Variants in DENND2C observed in about 807,000 individuals in gnomAD.
The protein encoded by DENND2C is DENN domain-containing protein 2C.
Under a neutral mutation model 112.4 loss-of-function variants are expected in DENND2C, and 72 were observed. That is an observed-to-expected ratio of 0.64 (90% CI 0.53 to 0.78). The LOEUF (loss-of-function observed/expected upper bound fraction) is 0.78, where lower values mean the gene tolerates loss of function less well. Among genes scored for constraint, DENND2C ranks in the 30% least tolerant of loss-of-function variants. The probability of loss-of-function intolerance (pLI) is 0.00; values close to 1 mark genes in which losing one functional copy is unlikely to be tolerated. For synonymous variants in DENND2C, 329 were observed against 381.6 expected (o/e 0.86, Z 1.61); for missense variants, 992 against 1,113.8 (o/e 0.89, Z 1.56).
Position 114,608,817 on chromosome 1 carries a change from G to T in DENND2C, c.1426C>A (p.Gln476Lys), listed in dbSNP as rs1655731363. ...TCAATAAGATCCCGCTCCAAGGTCT[G>T]GTAGTGAGGATTCCTCTTGGAAGAC... ...QPSSKRNPHYQTLERDLIELQ... is the reference protein window; with the variant it reads ...QPSSKRNPHYKTLERDLIELQ... Residue 476 changes from glutamine to lysine, a missense_variant, in exon 10 of 21, where the codon CAG (glutamine) becomes AAG (lysine). Physicochemically the swap from Gln to Lys is moderately conservative, Grantham distance 53 (BLOSUM62 1). Transcript: ENST00000393274. 2.5e-6 allele frequency: 4 copies of T among 1,614,188 alleles called. No homozygotes were observed. The highest frequency in any genetic ancestry group is 2.5e-6 in the Non-Finnish European group (3 of 1,180,032).
At chr1:114,618,560 G>T (rs2101661259) in intron 7 of DENND2C, 78 bp from the exon 8 acceptor site, 4 of 801,842 alleles carry the variant, frequency 5.0e-6, no homozygotes, top group Non-Finnish European at 7.5e-6. Flanking sequence ...ATCTATTAGG[G>T]ATTCTTATTC....
intron 9 of DENND2C, among the ~76,000 whole-genome samples, chr1:114,610,694 C>T (rs1483274684): frequency 3.5e-5 from 5 of 143,540 alleles, no homozygotes; most frequent in African/African-American, 7.8e-5. Flanking sequence ...AGGGAGACTC[C>T]GTCTCAAAAA....
chr1:114,591,139 A>T (rs1655178016), intron 18 of DENND2C, among the ~76,000 whole-genome samples: 1 of 151,916 alleles, frequency 6.6e-6, no homozygotes. Flanking sequence ...CTAATGTTTT[A>T]ATTTTGTTTG....
intron 18 of DENND2C, among the ~76,000 whole-genome samples, chr1:114,594,063 C>T (rs989922474): frequency 3.3e-5 from 5 of 152,048 alleles, no homozygotes; most frequent in East Asian, 3.9e-4. Flanking sequence ...ACTGTTCTCA[C>T]GGAACTTATG....
chr1:114,607,687 T>C (rs1443745801), intron 10 of DENND2C, among the ~76,000 whole-genome samples: 1 of 152,136 alleles, frequency 6.6e-6, no homozygotes, highest in Non-Finnish European at 1.5e-5. Flanking sequence ...TTTTAAAATA[T>C]TTGATTAAAA....
At chr1:114,614,289 A>G (rs1295910836) in intron 8 of DENND2C, among the ~76,000 whole-genome samples, 1 of 152,032 alleles carries the variant, frequency 6.6e-6, no homozygotes, top group Non-Finnish European at 1.5e-5. Context: ...AGTAAACTCT[A>G]GCAGGGACTT....
At chr1:114,662,366 C>A (rs1171044737) in intron 1 of DENND2C, among the ~76,000 whole-genome samples, 1 of 152,070 alleles carries the variant, frequency 6.6e-6, no homozygotes, top group African/African-American at 2.4e-5. Context: ...CTCTCTCTCT[C>A]CCCCACCAAT....
intron 18 of DENND2C, among the ~76,000 whole-genome samples, chr1:114,592,065 A>G (rs544748151): frequency 6.6e-5 from 10 of 151,896 alleles, no homozygotes; most frequent in Non-Finnish European, 1.2e-4. Flanking sequence ...TTGTATTTTT[A>G]GTAGAGATGG....
intron 2 of DENND2C, among the ~76,000 whole-genome samples, chr1:114,652,867 C>T (rs1259139317): frequency 3.3e-5 from 5 of 151,434 alleles, no homozygotes; most frequent in Admixed American, 1.3e-4. Context: ...TAAATAATCT[C>T]GAGATTACTT....
At chr1:114,635,026 T>TAA (rs374636363) in intron 3 of DENND2C, among the ~76,000 whole-genome samples, 15,730 of 94,298 alleles carry the variant, frequency 0.17, 1,435 homozygotes, top group Non-Finnish European at 0.24. Flanking sequence ...AGACTCCGTC[T>TAA]AAAAAAAAAA....
At chr1:114,628,521 T>C (rs540640518) in intron 3 of DENND2C, among the ~76,000 whole-genome samples, 1 of 152,296 alleles carries the variant, frequency 6.6e-6, no homozygotes, top group South Asian at 2.1e-4. Flanking sequence ...TTTCGAAAAA[T>C]GAACTATTTC....
intron 8 of DENND2C, among the ~76,000 whole-genome samples, chr1:114,617,577 G>T (rs1656008625): frequency 6.6e-6 from 1 of 151,922 alleles, no homozygotes. Context: ...CAAGTGCTGG[G>T]ATTACAGGCG....
chr1:114,659,732 CCTTTT>C lies in DENND2C; in HGVS notation c.-573-4976_-573-4972del, dbSNP rs1281456713. Reference sequence around the variant, plus strand: ...CCAAGAGATTCCTTTCCTTTCCTTTCCTTTTTCCTTTCCTTTCTTCCTTCCCTCCC... The same window carrying C: ...CCAAGAGATTCCTTTCCTTTCCTTTCTCCTTTCCTTTCTTCCTTCCCTCCC... On this transcript the variant is annotated intron_variant, in intron 1 of 20. Transcript: ENST00000393274. 5.3e-5 allele frequency among the ~76,000 whole-genome samples: 8 copies of C among 151,892 alleles called. No individual in the cohort carries two copies. The South Asian group carries it at 1.5e-3, about 28-fold the overall frequency.
chr1:114,593,817 C>T (rs1194647478), intron 18 of DENND2C, among the ~76,000 whole-genome samples: 1 of 152,048 alleles, frequency 6.6e-6, no homozygotes, highest in Non-Finnish European at 1.5e-5. Flanking sequence ...AAACGCTGCT[C>T]CTTCCCTAAT....
At chr1:114,663,809 G>A (rs115914491) in intron 1 of DENND2C, among the ~76,000 whole-genome samples, 4,011 of 152,252 alleles carry the variant, frequency 0.026, 95 homozygotes, top group Non-Finnish European at 0.034. Context: ...TCATTGAAGC[G>A]TTGTCTATGG....
rs762323987 is a variant in DENND2C, at chr1:114,587,712, T to C, written c.2668+4A>G. Reference sequence around the variant, plus strand: ...GAGAGGGAGAACTTTATAATGAAACTGACCTTTAACTCCACTTTTCCGAAG... The same window carrying C: ...GAGAGGGAGAACTTTATAATGAAACCGACCTTTAACTCCACTTTTCCGAAG... On this transcript the variant is annotated splice_donor_region_variant and intron_variant, in intron 19 of 20. Coordinates refer to ENST00000393274, the MANE Select transcript of DENND2C (RefSeq NM_001256404.2). The C allele has an allele frequency of 1.2e-6, 2 of 1,600,398 alleles. No individual in the cohort carries two copies. Among genetic ancestry groups the C allele is most frequent in the Non-Finnish European group, 1.7e-6 (2 of 1,172,354 alleles).
intron 3 of DENND2C, among the ~76,000 whole-genome samples, chr1:114,640,626 A>G (rs1656809679): frequency 6.6e-6 from 1 of 152,202 alleles, no homozygotes; most frequent in South Asian, 2.1e-4. Flanking sequence ...TTCAGTGCTA[A>G]GCAGGAGTTC....
chr1:114,667,659 C>A (rs1457677184), intron 1 of DENND2C, among the ~76,000 whole-genome samples: 1 of 152,078 alleles, frequency 6.6e-6, no homozygotes, highest in East Asian at 1.9e-4. Context: ...TTTCCTCTTT[C>A]TTTCCTTCTT....
At chr1:114,608,045 T>C (rs777131223) in intron 10 of DENND2C, among the ~76,000 whole-genome samples, 8 of 152,038 alleles carry the variant, frequency 5.3e-5, no homozygotes, top group Non-Finnish European at 1.2e-4. Flanking sequence ...GGGAGGCTGA[T>C]GTGGGCAGAT....
Sources: allele counts gnomAD v4.1 joint callset (sites outside exome capture counted in the v4.1 genomes callset), GRCh38; gene constraint gnomAD v4.1.1; transcripts MANE v1.5; gene names NCBI Gene and HGNC (gene_info 2026-07-23, HGNC 2026-07-21).